Variants in DCLK1 observed in about 807,000 individuals in gnomAD.
The protein encoded by DCLK1 is serine/threonine-protein kinase DCLK1.
Under a neutral mutation model 86.2 loss-of-function variants are expected in DCLK1, and 16 were observed. That is an observed-to-expected ratio of 0.19 (90% confidence interval 0.13 to 0.28). DCLK1 has a LOEUF of 0.28. DCLK1 is among the 10% of genes least tolerant of loss of function. The pLI is 1.00. For synonymous variants in DCLK1, 369 were observed against 370.5 expected (o/e 1.00, Z 0.05); for missense variants, 590 against 940.2 (o/e 0.63, Z 4.87).
intron 3 of DCLK1, among the ~76,000 whole-genome samples, chr13:35,996,546 T>C (rs1880485677): frequency 6.6e-6 from 1 of 152,166 alleles, no homozygotes; most frequent in South Asian, 2.1e-4. Flanking sequence ...ACAGCTTGAA[T>C]AGAACAAAAG....
intron 3 of DCLK1, among the ~76,000 whole-genome samples, chr13:35,988,930 G>A (rs1342480558): frequency 1.3e-5 from 2 of 152,108 alleles, no homozygotes; most frequent in Non-Finnish European, 2.9e-5. Flanking sequence ...GGTATCATCA[G>A]CACACGCCAT....
At chr13:35,899,491 C>T (rs978769737) in intron 4 of DCLK1, among the ~76,000 whole-genome samples, 1 of 150,694 alleles carries the variant, frequency 6.6e-6, no homozygotes, top group African/African-American at 2.4e-5. Context: ...ACTAAGCAAG[C>T]AAGAAAAAAA....
chr13:36,079,846 G>A (rs1884355646), intron 3 of DCLK1, among the ~76,000 whole-genome samples: 2 of 152,186 alleles, frequency 1.3e-5, no homozygotes, highest in Non-Finnish European at 2.9e-5. Context: ...TTGTGATGCT[G>A]CACATAGAAG....
At chr13:35,933,254 C>T (rs1035893045) in intron 4 of DCLK1, among the ~76,000 whole-genome samples, 5 of 152,236 alleles carry the variant, frequency 3.3e-5, no homozygotes, top group Admixed American at 3.3e-4. Context: ...CAGCTGCTTT[C>T]ACAGACTGGC....
At chr13:35,882,874 G>A (rs1872999727) in intron 4 of DCLK1, among the ~76,000 whole-genome samples, 1 of 152,184 alleles carries the variant, frequency 6.6e-6, no homozygotes, top group South Asian at 2.1e-4. Context: ...CGGAGGAAAT[G>A]AGCCTTAAAC....
At chr13:36,008,217 T>C (rs1163036577) in intron 3 of DCLK1, among the ~76,000 whole-genome samples, 1 of 39,512 alleles carries the variant, frequency 2.5e-5, no homozygotes, top group Non-Finnish European at 5.3e-5. Context: ...TTATTATTAT[T>C]ATTATTATTA....
intron 15 of DCLK1, among the ~76,000 whole-genome samples, chr13:35,798,440 T>C (rs1175012930): frequency 6.6e-6 from 1 of 152,234 alleles, no homozygotes; most frequent in African/African-American, 2.4e-5. Context: ...AGCAGTTTAC[T>C]GCTAAAATAT....
In DCLK1 at chr13:36,126,636, T is replaced by C. The variant is rs183754026; in HGVS notation, c.-19-480A>G. ...GCTTTAACTGATGACACATTTAATA[T>C]GAGTTATCAAGTGGGACAGAAAGAG... is the stretch of plus-strand genomic sequence containing the variant. On this transcript the variant is annotated intron_variant, in intron 1 of 16. Transcript: ENST00000360631. Among the ~76,000 whole-genome samples, 5 of 152,248 alleles carry C rather than the reference T, an allele frequency of 3.3e-5. No homozygotes were observed. In the East Asian group the frequency reaches 9.7e-4, roughly 29 times the overall value.
At chr13:35,951,270 C>G (rs920517098) in intron 3 of DCLK1, among the ~76,000 whole-genome samples, 1 of 145,296 alleles carries the variant, frequency 6.9e-6, no homozygotes, top group African/African-American at 2.6e-5. Flanking sequence ...TGGATGGATG[C>G]ATGGATGGAT....
rs543922077 is a variant in DCLK1 at position 35,863,721 on chromosome 13, A to G, written c.940+7503T>C. Among the ~76,000 whole-genome samples the G allele has an allele frequency of 3.3e-5, 5 of 152,340 alleles. No homozygotes were observed. The South Asian group carries it at 1.0e-3, about 32-fold the overall frequency. ...TTCTCTACACTAAAGGAAAAGACTG[A>G]ACTCAAAATTAATAGCTGGCAATCT... On this transcript the variant is annotated intron_variant, in intron 5 of 16. Transcript: ENST00000360631.
At chr13:35,822,647 G>A in intron 11 of DCLK1, 82 bp downstream of exon 11, 4 of 1,584,178 alleles carry the variant, frequency 2.5e-6, no homozygotes, top group Non-Finnish European at 3.4e-6. Context: ...TTTAAAAAAA[G>A]AAAGAAAAGA....
At chr13:35,817,701 C>A (rs1049681060) in intron 11 of DCLK1, among the ~76,000 whole-genome samples, 10 of 152,046 alleles carry the variant, frequency 6.6e-5, no homozygotes, top group Non-Finnish European at 1.3e-4. Flanking sequence ...CAGAGTATTA[C>A]CATAAGGGGT....
intron 4 of DCLK1, among the ~76,000 whole-genome samples, chr13:35,886,306 C>A (rs879781940): frequency 6.6e-6 from 1 of 152,050 alleles, no homozygotes; most frequent in Non-Finnish European, 1.5e-5. Flanking sequence ...ACACCATGCC[C>A]GGCGAATAGG....
chr13:36,048,783 A>G (rs183140744), intron 3 of DCLK1, among the ~76,000 whole-genome samples: 16 of 152,172 alleles, frequency 1.1e-4, no homozygotes, highest in Non-Finnish European at 2.4e-4. Flanking sequence ...GATCCTGCAT[A>G]GTGTGCAAGT....
chr13:36,033,850 G>A (rs995960331), intron 3 of DCLK1, among the ~76,000 whole-genome samples: 18 of 152,180 alleles, frequency 1.2e-4, no homozygotes, highest in Non-Finnish European at 2.2e-4. Flanking sequence ...ACTTGAACCC[G>A]GGAGGTGGAG....
intron 3 of DCLK1, among the ~76,000 whole-genome samples, chr13:36,106,430 G>T (rs1885398241): frequency 6.6e-6 from 1 of 152,132 alleles, no homozygotes; most frequent in Admixed American, 6.5e-5. Context: ...AAATCATGAG[G>T]ATGGTTTAAC....
rs563425377 is a variant in DCLK1, at chr13:35,845,929, T to C, written c.1036-6753A>G. 2.0e-4 allele frequency: 193 copies of C among 985,304 alleles called. No homozygotes were observed. In the African/African-American group the frequency reaches 3.2e-3, roughly 17 times the overall value. 61.0% of individuals were successfully genotyped at this position (985,304 alleles called of 1,614,324 possible). On this transcript the variant is annotated intron_variant, in intron 6 of 16. Transcript: ENST00000360631. ...GTTTTTCCTGTTTATTATATAGTTATTCTAAGGTGGTAAGTGTCACAAAGT... is the reference window on the plus strand; with the variant it reads ...GTTTTTCCTGTTTATTATATAGTTACTCTAAGGTGGTAAGTGTCACAAAGT...
chr13:36,040,929 G>A (rs1882681352), intron 3 of DCLK1, among the ~76,000 whole-genome samples: 2 of 151,968 alleles, frequency 1.3e-5, no homozygotes, highest in Non-Finnish European at 2.9e-5. Context: ...ATCATTATGG[G>A]TTTGTTTTAT....
At chr13:35,958,279 T>TCACTACTATAACCACCACCACCACCAC (rs1593768865) in intron 3 of DCLK1, among the ~76,000 whole-genome samples, 294 of 8,228 alleles carry the variant, frequency 0.036, 19 homozygotes, top group South Asian at 0.06. Context: ...ATTACCACCA[T>TCACTACTATAACCACCACCACCACCAC]CACTGCCACT....
Sources: gnomAD v4.1 joint callset for allele counts (sites outside exome capture counted in the v4.1 genomes callset) on GRCh38, gnomAD v4.1.1 for gene constraint, MANE v1.5 for transcripts, NCBI Gene and HGNC (gene_info 2026-07-23, HGNC 2026-07-21) for gene names.